Variants in EPHA5 observed in about 807,000 individuals in gnomAD.
EPHA5 encodes the protein ephrin type-A receptor 5.
A neutral mutation model predicts 105.0 loss-of-function variants in EPHA5; 60 were observed. That is an observed-to-expected ratio of 0.57 (90% CI 0.46 to 0.71). The LOEUF is 0.71. Ranked by LOEUF, EPHA5 falls within the 30% of genes least tolerant of loss-of-function variation. The probability of loss-of-function intolerance (pLI) is 0.00; values close to 1 mark genes in which losing one functional copy is unlikely to be tolerated. For synonymous variants in EPHA5, 513 were observed against 449.1 expected, an observed-to-expected ratio of 1.14 and a Z score of -1.80; for missense variants, 1,218 against 1,274.7, an observed-to-expected ratio of 0.96 and a Z score of 0.68.
intron 16 of EPHA5, among the ~76,000 whole-genome samples, chr4:65,327,589 G>A (rs1720206227): frequency 6.6e-6 from 1 of 151,204 alleles, no homozygotes; most frequent in African/African-American, 2.4e-5. Flanking sequence ...TTAGAAGATA[G>A]GATAACTATA....
chr4:65,508,637 C>G (rs1169601645), intron 3 of EPHA5, among the ~76,000 whole-genome samples: 1 of 152,036 alleles, frequency 6.6e-6, no homozygotes, highest in African/African-American at 2.4e-5. Flanking sequence ...ACATTCTTTC[C>G]TTTAAAATCA....
chr4:65,476,125 AGAGTGTGTGTGTGTGTGTGT>A (rs1729784552), intron 5 of EPHA5, among the ~76,000 whole-genome samples: 1 of 132,252 alleles, frequency 7.6e-6, no homozygotes, highest in Non-Finnish European at 1.6e-5. Context: ...AGAGAGAGAG[AGAGTGTGTGTGTGTGTGTGT>A]GTGTGTGTGT....
chr4:65,605,020 T>G (rs1217542314), intron 2 of EPHA5, among the ~76,000 whole-genome samples: 1 of 152,220 alleles, frequency 6.6e-6, no homozygotes, highest in Non-Finnish European at 1.5e-5. Context: ...CTCTGCTCTT[T>G]AGGTCTAGCA....
At chr4:65,439,581 G>A (rs1456710379) in intron 5 of EPHA5, among the ~76,000 whole-genome samples, 1 of 151,990 alleles carries the variant, frequency 6.6e-6, no homozygotes, top group Non-Finnish European at 1.5e-5. Context: ...ACAAGATGCT[G>A]ACATAAAAGC....
intron 5 of EPHA5, among the ~76,000 whole-genome samples, chr4:65,437,952 TA>T (rs1436127772): frequency 3.9e-5 from 6 of 152,004 alleles, no homozygotes; most frequent in Non-Finnish European, 7.4e-5. Flanking sequence ...TCAGATCTCA[TA>T]AGCCTCATAC....
intron 5 of EPHA5, among the ~76,000 whole-genome samples, chr4:65,422,326 C>T (rs987380322): frequency 2.6e-5 from 4 of 152,026 alleles, no homozygotes; most frequent in Admixed American, 6.6e-5. Flanking sequence ...TGAATGGCAG[C>T]AATCCTTCAC....
At chr4:65,350,421 G>C (rs564042876) in intron 13 of EPHA5, among the ~76,000 whole-genome samples, 4 of 151,924 alleles carry the variant, frequency 2.6e-5, no homozygotes, top group African/African-American at 2.4e-5. Context: ...ACTACCAGTG[G>C]ATGTAATTTT....
chr4:65,502,070 C>A (rs551052599), intron 3 of EPHA5, among the ~76,000 whole-genome samples: 2 of 151,652 alleles, frequency 1.3e-5, no homozygotes, highest in Admixed American at 6.6e-5. Context: ...TGAAACTAAA[C>A]CCCTACATTT....
chr4:65,562,693 C>CAA (rs1473970624), intron 3 of EPHA5, among the ~76,000 whole-genome samples: 1 of 151,998 alleles, frequency 6.6e-6, no homozygotes, highest in East Asian at 1.9e-4. Flanking sequence ...TTACAATTCT[C>CAA]AAAAGGCAAG....
chr4:65,490,790 G>GT (rs1409816143), intron 4 of EPHA5, 78 bp from the exon 5 acceptor site: 1 of 1,399,152 alleles, frequency 7.1e-7, no homozygotes, highest in African/African-American at 1.4e-5. Flanking sequence ...CCAATTCCTG[G>GT]TCTGAAGGAA....
intron 2 of EPHA5, among the ~76,000 whole-genome samples, chr4:65,613,756 C>T (rs1744982275): frequency 6.6e-6 from 1 of 151,898 alleles, no homozygotes; most frequent in Non-Finnish European, 1.5e-5. Context: ...AAATGTATAC[C>T]TCACTTATGG....
intron 3 of EPHA5, among the ~76,000 whole-genome samples, chr4:65,548,808 T>C (rs1306592979): frequency 6.6e-6 from 1 of 152,128 alleles, no homozygotes; most frequent in Non-Finnish European, 1.5e-5. Flanking sequence ...TCATGTTCCC[T>C]AAACTCAAGG....
intron 8 of EPHA5, 63 bp downstream of exon 8, chr4:65,404,311 G>T: frequency 7.2e-7 from 1 of 1,387,816 alleles, no homozygotes. Flanking sequence ...ACAGCCAAAT[G>T]GTCAGATCAA....
At chr4:65,605,851 T>C (rs1290867212) in intron 2 of EPHA5, among the ~76,000 whole-genome samples, 1 of 152,164 alleles carries the variant, frequency 6.6e-6, no homozygotes, top group Non-Finnish European at 1.5e-5. Context: ...TATGCAACTC[T>C]GTAATGAGAA....
At position 65,319,603 on chromosome 4, in the gene EPHA5, A is replaced by T. The variant is rs1719478911; in HGVS notation, c.*4511T>A. Reference sequence around the variant, plus strand: ...GGTTTTTATTTTCTGAAAAAATATAAAATTTCATATCTTACACTACAAAAA... The same window carrying T: ...GGTTTTTATTTTCTGAAAAAATATATAATTTCATATCTTACACTACAAAAA... On this transcript the variant is annotated 3_prime_UTR_variant, in exon 17 of 17. Coordinates refer to ENST00000613740, the MANE Select transcript of EPHA5 (RefSeq NM_001281766.3). The T allele has an allele frequency of 4.8e-6, 1 of 210,480 alleles. No individual in the cohort carries two copies. Among genetic ancestry groups the T allele is most frequent in the African/African-American group, 2.3e-5 (1 of 44,122 alleles). 13.0% of individuals were successfully genotyped at this position (210,480 alleles called of 1,614,324 possible).
intron 5 of EPHA5, among the ~76,000 whole-genome samples, chr4:65,431,126 A>G (rs1016355060): frequency 6.6e-6 from 1 of 152,170 alleles, no homozygotes; most frequent in African/African-American, 2.4e-5. Flanking sequence ...ATAAGCCAAG[A>G]TAAATCCTCA....
chr4:65,487,753 A>T (rs1334654190), intron 5 of EPHA5, among the ~76,000 whole-genome samples: 3 of 152,158 alleles, frequency 2.0e-5, no homozygotes, highest in Non-Finnish European at 2.9e-5. Context: ...AAAAAACTCT[A>T]GCCTCTGACT....
rs562665587 is a variant in EPHA5, at chr4:65,610,598, T to C, written c.247-8294A>G. 1.1e-4 allele frequency among the ~76,000 whole-genome samples: 16 copies of C among 152,262 alleles called. No homozygotes were observed. In the East Asian group the frequency reaches 2.9e-3, roughly 28 times the overall value. On this transcript the variant is annotated intron_variant, in intron 2 of 16. Coordinates refer to ENST00000613740, the MANE Select transcript of EPHA5 (RefSeq NM_001281766.3). ...GGATATTTTTCCTTGAAAAATTTAC[T>C]AATAAGAACAAATGCAAACTATCAG...
chr4:65,468,347 T>C (rs1007389075), intron 5 of EPHA5, among the ~76,000 whole-genome samples: 6 of 151,394 alleles, frequency 4.0e-5, no homozygotes, highest in Non-Finnish European at 7.4e-5. Context: ...TGTCACAATA[T>C]ATATTTTTTC....
Sources: allele counts gnomAD v4.1 joint callset (sites outside exome capture counted in the v4.1 genomes callset), GRCh38; gene constraint gnomAD v4.1.1; transcripts MANE v1.5; gene names NCBI Gene and HGNC (gene_info 2026-07-23, HGNC 2026-07-21).